KCNH7: variants seen among roughly 807,000 people sequenced by gnomAD.
KCNH7 encodes the protein voltage-gated inwardly rectifying potassium channel KCNH7.
Under a neutral mutation model 120.8 loss-of-function variants are expected in KCNH7, and 49 were observed. The observed-to-expected ratio is 0.41, with a 90% CI of 0.32 to 0.51. KCNH7 has a LOEUF of 0.51. Ranked by LOEUF, KCNH7 falls within the 20% of genes least tolerant of loss-of-function variation. KCNH7 has a pLI of 0.38. For synonymous variants in KCNH7, 547 were observed against 516.1 expected (o/e 1.06, Z -0.81); for missense variants, 1,097 against 1,446.6 (o/e 0.76, Z 3.92).
chr2:162,594,790 G>A (rs1224608376), intron 2 of KCNH7, among the ~76,000 whole-genome samples: 1 of 151,900 alleles, frequency 6.6e-6, no homozygotes, highest in Non-Finnish European at 1.5e-5. Context: ...ATATATATAG[G>A]TTATATGCAG....
intron 6 of KCNH7, among the ~76,000 whole-genome samples, chr2:162,480,603 A>G (rs999377837): frequency 6.6e-6 from 1 of 152,166 alleles, no homozygotes; most frequent in Non-Finnish European, 1.5e-5. Flanking sequence ...AGCTTTTTAC[A>G]TGAGATACTC....
intron 2 of KCNH7, among the ~76,000 whole-genome samples, chr2:162,543,284 G>A (rs890280209): frequency 2.7e-5 from 4 of 149,108 alleles, no homozygotes; most frequent in South Asian, 2.1e-4. Context: ...ACACACATAC[G>A]CACACACACA....
intron 1 of KCNH7, among the ~76,000 whole-genome samples, 194 bp downstream of exon 1, chr2:162,838,249 G>C (rs1055072899): frequency 6.6e-6 from 1 of 152,146 alleles, no homozygotes. Context: ...AATGGAGACC[G>C]TAATCTAAAA....
chr2:162,805,157 C>A (rs919518125), intron 2 of KCNH7, among the ~76,000 whole-genome samples: 1 of 151,616 alleles, frequency 6.6e-6, no homozygotes, highest in Non-Finnish European at 1.5e-5. Flanking sequence ...GAAAAACTCT[C>A]CTGGACACTG....
At chr2:162,838,306 A>T (rs1559157568) in intron 1 of KCNH7, 137 bp downstream of exon 1, 1 of 654,176 alleles carries the variant, frequency 1.5e-6, no homozygotes, top group East Asian at 2.7e-5. Context: ...TGCCATTCGA[A>T]CCTCCTGGCT....
intron 3 of KCNH7, among the ~76,000 whole-genome samples, chr2:162,522,426 A>G (rs1209196389): frequency 2.0e-5 from 3 of 151,884 alleles, no homozygotes; most frequent in Non-Finnish European, 4.4e-5. Flanking sequence ...CTGCATCACT[A>G]GGTTAATAGG....
At chr2:162,671,662 A>G (rs538073867) in intron 2 of KCNH7, among the ~76,000 whole-genome samples, 3 of 152,196 alleles carry the variant, frequency 2.0e-5, no homozygotes, top group East Asian at 1.9e-4. Flanking sequence ...CTTCACCACT[A>G]TGCAATATAT....
intron 2 of KCNH7, among the ~76,000 whole-genome samples, chr2:162,548,321 C>A (rs1243990007): frequency 6.6e-6 from 1 of 152,184 alleles, no homozygotes; most frequent in Non-Finnish European, 1.5e-5. Context: ...CAGGAAACTG[C>A]AGCAGATACC....
At chr2:162,644,775 C>T (rs12469843) in intron 2 of KCNH7, among the ~76,000 whole-genome samples, 16,562 of 151,924 alleles carry the variant, frequency 0.11, 1,687 homozygotes, top group East Asian at 0.3. Context: ...TATTTTTTTC[C>T]TTAATTATTT....
intron 2 of KCNH7, among the ~76,000 whole-genome samples, chr2:162,623,981 A>G (rs370908230): frequency 8.5e-5 from 13 of 152,196 alleles, no homozygotes; most frequent in African/African-American, 2.9e-4. Context: ...ACTGTACACC[A>G]TTCTGGTTAG....
chr2:162,612,710 G>A (rs943985335), intron 2 of KCNH7, among the ~76,000 whole-genome samples: 2 of 151,956 alleles, frequency 1.3e-5, no homozygotes, highest in Non-Finnish European at 2.9e-5. Flanking sequence ...ATATAATTTA[G>A]TGACTGAGTA....
intron 2 of KCNH7, among the ~76,000 whole-genome samples, chr2:162,774,559 C>T (rs543285729): frequency 3.0e-4 from 46 of 152,184 alleles, no homozygotes; most frequent in African/African-American, 1.0e-3. Context: ...GCCAAATGTA[C>T]CAAGAGCAAG....
chr2:162,739,307 T>C (rs35766189), intron 2 of KCNH7, among the ~76,000 whole-genome samples: 3,243 of 152,312 alleles, frequency 0.021, 72 homozygotes, highest in East Asian at 0.12. Context: ...GGCCAAGGAC[T>C]ACCTCCCAGC....
At chr2:162,386,008 T>C (rs1197132578) in intron 12 of KCNH7, among the ~76,000 whole-genome samples, 1 of 151,908 alleles carries the variant, frequency 6.6e-6, no homozygotes, top group African/African-American at 2.4e-5. Flanking sequence ...ATCAGTGTTA[T>C]GCGAAATTGT....
At chr2:162,650,848 A>G (rs941113861) in intron 2 of KCNH7, among the ~76,000 whole-genome samples, 5 of 152,194 alleles carry the variant, frequency 3.3e-5, no homozygotes, top group Non-Finnish European at 7.3e-5. Flanking sequence ...TAAGTGACTG[A>G]GTAAATAAAC....
intron 2 of KCNH7, among the ~76,000 whole-genome samples, chr2:162,776,730 G>T (rs530374765): frequency 2.0e-5 from 3 of 152,162 alleles, no homozygotes; most frequent in East Asian, 3.9e-4. Context: ...AAAAGGCAAT[G>T]GGATTTTCTC....
chr2:162,787,522 G>C (rs886152063), intron 2 of KCNH7, among the ~76,000 whole-genome samples: 1 of 152,024 alleles, frequency 6.6e-6, no homozygotes, highest in African/African-American at 2.4e-5. Flanking sequence ...ATGGATCTTG[G>C]ACCCAGGTCC....
At chr2:162,459,728 G>T (rs1689085294) in intron 6 of KCNH7, among the ~76,000 whole-genome samples, 1 of 152,148 alleles carries the variant, frequency 6.6e-6, no homozygotes, top group Non-Finnish European at 1.5e-5. Flanking sequence ...TCCATATTCT[G>T]CACAATCATG....
At chr2:162,798,608 G>A (rs1403882662) in intron 2 of KCNH7, among the ~76,000 whole-genome samples, 2 of 151,904 alleles carry the variant, frequency 1.3e-5, no homozygotes, top group African/African-American at 4.8e-5. Flanking sequence ...AATATAGTCA[G>A]CAATATTTAT....
Sources: gnomAD v4.1 joint callset for allele counts (sites outside exome capture counted in the v4.1 genomes callset) on GRCh38, gnomAD v4.1.1 for gene constraint, MANE v1.5 for transcripts, NCBI Gene and HGNC (gene_info 2026-07-23, HGNC 2026-07-21) for gene names.